NOD1: variants seen among roughly 807,000 people sequenced by gnomAD.
NOD1 encodes the protein nucleotide-binding oligomerization domain-containing protein 1.
A neutral mutation model predicts 81.2 loss-of-function variants in NOD1; 70 were observed. That is an observed-to-expected ratio of 0.86 (90% CI 0.71 to 1.05). The LOEUF (loss-of-function observed/expected upper bound fraction) is 1.05, where lower values mean the gene tolerates loss of function less well. NOD1 is among the 50% of genes least tolerant of loss of function. The pLI, the probability that NOD1 is intolerant of heterozygous loss-of-function variation, is 0.00. For synonymous variants in NOD1, 508 were observed against 526.9 expected, an observed-to-expected ratio of 0.96 and a Z score of 0.49; for missense variants, 1,233 against 1,228.0, an observed-to-expected ratio of 1.00 and a Z score of -0.06.
rs775237227 is a variant in NOD1, at chr7:30,451,764, C to T, written c.1653G>A (p.Ala551=). ...GATAGCAGGACGTGGTCGCTGCCCC[C>T]GCAGGGGGCATCCACTCCTGGAAGA... is the stretch of plus-strand genomic sequence containing the variant. ...LRFFQEWMPP[A]GAATTSCYPP... Residue 551 remains alanine (A), a synonymous_variant, in exon 6 of 14, where the codon GCG becomes GCA. Transcript: ENST00000222823. This position sits in a 1 kb window ranked among gnomAD's most constrained non-coding sequence, Gnocchi z 4.2. 42 of 1,613,644 alleles carry T rather than the reference C, an allele frequency of 2.6e-5. No homozygotes were observed. In the Middle Eastern group the frequency reaches 6.6e-4, roughly 25 times the overall value.
chr7:30,446,019 T>A, intron 9 of NOD1, 122 bp downstream of exon 9: 1 of 767,500 alleles, frequency 1.3e-6, no homozygotes, highest in Non-Finnish European at 2.3e-6. Flanking sequence ...CTCTCCACTA[T>A]CTCTCCCCGA....
Position 30,477,596 on chromosome 7 carries a change from C to A in NOD1, c.-352+1010G>T, listed in dbSNP as rs564458660. Among the ~76,000 whole-genome samples the A allele has an allele frequency of 1.1e-3, 161 of 152,266 alleles. 1 individual carries two copies. The highest frequency in any genetic ancestry group is 3.8e-3 in the African/African-American group (156 of 41,530). ...ACAGGGCGATCTCGGCTCACTGCAA[C>A]CTCTGCCTCCCGGGTTCAAGCAATT... On this transcript the variant is annotated intron_variant, in intron 1 of 13. Coordinates refer to ENST00000222823, the MANE Select transcript of NOD1 (RefSeq NM_006092.4).
Position 30,452,038 on chromosome 7 carries a change from A to G in NOD1, c.1379T>C (p.Leu460Pro), listed in dbSNP as rs1487941420. 3 of 1,613,504 alleles carry G rather than the reference A, an allele frequency of 1.9e-6. No individual in the cohort carries two copies. The highest frequency in any genetic ancestry group is 1.7e-6 in the Non-Finnish European group (2 of 1,179,950). The change falls in exon 6 of 14, where the codon CTG (leucine) becomes CCG (proline). Residue 460 changes from leucine (L) to proline (P), a missense_variant. Coordinates refer to ENST00000222823, the MANE Select transcript of NOD1 (RefSeq NM_006092.4). ...VETLHAGRDTLCSLGQVAHRG... is the reference protein window; with the variant it reads ...VETLHAGRDTPCSLGQVAHRG... ...GTGGGCCACCTGCCCCAGCGAGCAC[A>G]GAGTGTCCCGGCCGGCGTGGAGGGT...
intron 7 of NOD1, 177 bp downstream of exon 7, chr7:30,448,121 A>G: frequency 1.7e-6 from 1 of 605,234 alleles, no homozygotes; most frequent in Non-Finnish European, 3.0e-6. Context: ...AGGCTCAGCA[A>G]GACTTCATGA....
intron 1 of NOD1, among the ~76,000 whole-genome samples, chr7:30,465,497 G>A (rs754961171): frequency 3.9e-5 from 6 of 152,132 alleles, no homozygotes; most frequent in African/African-American, 9.7e-5. Context: ...GACTATGAGC[G>A]CCTTCCTCCC....
intron 10 of NOD1, among the ~76,000 whole-genome samples, chr7:30,437,051 A>G (rs1468871610): frequency 2.0e-5 from 3 of 152,262 alleles, no homozygotes; most frequent in Admixed American, 1.3e-4. Context: ...ACCATAAAAA[A>G]AAATGAGATC....
At chr7:30,428,996 C>T (rs181508540) in intron 13 of NOD1, among the ~76,000 whole-genome samples, 145 of 152,338 alleles carry the variant, frequency 9.5e-4, no homozygotes, top group African/African-American at 3.3e-3. Flanking sequence ...GAATGAGCTC[C>T]AAACTCCTGG....
chr7:30,427,197 G>A (rs973889413), intron 13 of NOD1, among the ~76,000 whole-genome samples: 2 of 152,174 alleles, frequency 1.3e-5, no homozygotes, highest in Non-Finnish European at 2.9e-5. Context: ...ACAGTCTGGA[G>A]GAGATAGCCT....
At chr7:30,465,030 G>A (rs1787536973) in intron 1 of NOD1, among the ~76,000 whole-genome samples, 1 of 152,176 alleles carries the variant, frequency 6.6e-6, no homozygotes, top group East Asian at 1.9e-4. Flanking sequence ...TTACAACTGG[G>A]CAGGACAGAC....
chr7:30,426,983 GTAATTAAATAAT>G (rs1353849928), intron 13 of NOD1, among the ~76,000 whole-genome samples: 1 of 152,136 alleles, frequency 6.6e-6, no homozygotes, highest in Non-Finnish European at 1.5e-5. Context: ...CATCACAGTT[GTAATTAAATAAT>G]TACGCAAATG....
intron 11 of NOD1, among the ~76,000 whole-genome samples, chr7:30,434,553 C>G (rs979476643): frequency 2.6e-5 from 4 of 152,164 alleles, no homozygotes; most frequent in African/African-American, 9.7e-5. Context: ...AGAGCCACTG[C>G]TTGAATGCTA....
rs1419922008 is a variant in NOD1, at chr7:30,424,999, C to T, written c.*639G>A. 6.6e-6 allele frequency: 1 copy of T among 152,450 alleles called. No homozygotes were observed. The highest frequency in any genetic ancestry group is 1.5e-5 in the Non-Finnish European group (1 of 68,276). The allele number at this position is 152,450 out of a possible 1,614,324, so 9.4% of individuals were successfully genotyped here. A position where few individuals can be genotyped will look rare whatever the true frequency, so the allele number is the denominator to read the frequency against. On this transcript the variant is annotated 3_prime_UTR_variant, in exon 14 of 14. Transcript: ENST00000222823. ...CTATCTTTGCCAGCAGACAGTGAGA[C>T]TCCAGGATTAAAATTAAAAGCCCGT... is the stretch of plus-strand genomic sequence containing the variant.
intron 3 of NOD1, among the ~76,000 whole-genome samples, chr7:30,457,792 G>C (rs1786537598): frequency 6.6e-6 from 1 of 152,116 alleles, no homozygotes; most frequent in African/African-American, 2.4e-5. Context: ...ACAGCAGCAT[G>C]AAGTCTCCTG....
At chr7:30,439,026 C>G (rs940856532) in intron 9 of NOD1, among the ~76,000 whole-genome samples, 1 of 152,078 alleles carries the variant, frequency 6.6e-6, no homozygotes, top group African/African-American at 2.4e-5. Flanking sequence ...AGAATCAAAA[C>G]CACAATGAGA....
Position 30,452,859 on chromosome 7 carries a change from G to A in NOD1, c.558C>T (p.His186=), listed in dbSNP as rs1785937364. ...SLNSLACLLD[H]TTGILNEQGE... Reference sequence around the variant, plus strand: ...CCTGCTCATTGAGGATGCCGGTGGTGTGGTCCAGGAGGCAGGCCAGGCTGT... The same window carrying A: ...CCTGCTCATTGAGGATGCCGGTGGTATGGTCCAGGAGGCAGGCCAGGCTGT... The change falls in exon 6 of 14, where the codon CAC becomes CAT. Residue 186 remains histidine (H), a synonymous_variant. Transcript: ENST00000222823. 6.2e-7 allele frequency: 1 copy of A among 1,614,112 alleles called. No individual in the cohort carries two copies. The highest frequency in any genetic ancestry group is 2.2e-5 in the East Asian group (1 of 44,880).
intron 13 of NOD1, chr7:30,428,530 T>A (rs1178194311): frequency 6.6e-6 from 1 of 152,214 alleles, no homozygotes; most frequent in African/African-American, 2.4e-5. Flanking sequence ...TGATATTTTG[T>A]TCTGTTCTGT....
rs1421579254 is a variant in NOD1, at chr7:30,440,922, A to G, written c.2454-3266T>C. Among the ~76,000 whole-genome samples, 10 of 12,942 alleles carry G rather than the reference A, an allele frequency of 7.7e-4. 1 individual carries two copies. The highest frequency in any genetic ancestry group is 1.5e-4 in the Non-Finnish European group (1 of 6,606). The allele number at this position is 12,942 out of a possible 152,430, so 8.5% of individuals were successfully genotyped here. A position where few individuals can be genotyped will look rare whatever the true frequency, so the allele number is the denominator to read the frequency against. ...CAGCGGATCTCTCGGCAGAAACCCT[A>G]CAAGCCAGAAGAGAGTGGGGGCCAA... is the stretch of plus-strand genomic sequence containing the variant. On this transcript the variant is annotated intron_variant, in intron 9 of 13. Coordinates refer to ENST00000222823, the MANE Select transcript of NOD1 (RefSeq NM_006092.4).
At position 30,437,935 on chromosome 7, in the gene NOD1, C is replaced by T. The variant is rs137947410; in HGVS notation, c.2454-279G>A. Reference sequence around the variant, plus strand: ...CACAGTTAGAGACCGAGCCTCACCACGAGCTTCGGAGAGCTGTCAGCCCAG... The same window carrying T: ...CACAGTTAGAGACCGAGCCTCACCATGAGCTTCGGAGAGCTGTCAGCCCAG... On this transcript the variant is annotated intron_variant, in intron 9 of 13. Transcript: ENST00000222823. 5.1e-3 allele frequency among the ~76,000 whole-genome samples: 777 copies of T among 152,318 alleles called. 16 individuals are homozygous for T. The highest frequency in any genetic ancestry group is 4.0e-3 in the Non-Finnish European group (273 of 68,028).
chr7:30,439,745 G>A (rs1485591362), intron 9 of NOD1, among the ~76,000 whole-genome samples: 6 of 75,032 alleles, frequency 8.0e-5, no homozygotes, highest in Non-Finnish European at 1.2e-4. Context: ...GAACTGGGTG[G>A]AGCCCACCAC....
Sources: gnomAD v4.1 joint callset for allele counts (sites outside exome capture counted in the v4.1 genomes callset) on GRCh38, gnomAD v4.1.1 for gene constraint, Gnocchi (gnomAD v3.1) non-coding constraint, MANE v1.5 for transcripts, NCBI Gene and HGNC (gene_info 2026-07-23, HGNC 2026-07-21) for gene names.